Variants in CAMTA1 observed in about 807,000 individuals in gnomAD.
CAMTA1 encodes the protein calmodulin binding transcription activator 1.
Under a neutral mutation model 170.9 loss-of-function variants are expected in CAMTA1, and 27 were observed. The observed-to-expected ratio is 0.16, with a 90% CI of 0.12 to 0.22. The LOEUF (loss-of-function observed/expected upper bound fraction) is 0.22. Ranked by LOEUF, CAMTA1 falls within the 10% of genes least tolerant of loss-of-function variation. The pLI, the probability that CAMTA1 is intolerant of heterozygous loss-of-function variation, is 1.00. For synonymous variants in CAMTA1, 833 were observed against 891.5 expected (o/e 0.93, Z 1.17); for missense variants, 1,619 against 2,217.2 (o/e 0.73, Z 5.42).
chr1:7,265,330 A>T (rs974384687), intron 5 of CAMTA1, among the ~76,000 whole-genome samples: 6 of 151,906 alleles, frequency 3.9e-5, no homozygotes, highest in Admixed American at 3.9e-4. Flanking sequence ...TTTATTTGAG[A>T]CAGAGTCTCA....
At chr1:7,436,111 T>G (rs892884093) in intron 5 of CAMTA1, among the ~76,000 whole-genome samples, 3 of 152,128 alleles carry the variant, frequency 2.0e-5, no homozygotes, top group East Asian at 1.9e-4. Flanking sequence ...GATATGAATA[T>G]TGATTGGAAA....
At chr1:7,705,389 C>A (rs1465464202) in intron 11 of CAMTA1, among the ~76,000 whole-genome samples, 1 of 149,614 alleles carries the variant, frequency 6.7e-6, no homozygotes, top group Non-Finnish European at 1.5e-5. Flanking sequence ...GTGCGAGGGG[C>A]GTGTGCGGCG....
intron 3 of CAMTA1, among the ~76,000 whole-genome samples, chr1:7,037,142 G>C (rs1402712334): frequency 1.3e-5 from 2 of 152,250 alleles, no homozygotes; most frequent in African/African-American, 4.8e-5. Flanking sequence ...GATGGAAAGA[G>C]AGACGATACA....
intron 5 of CAMTA1, among the ~76,000 whole-genome samples, chr1:7,355,226 A>C (rs2085010934): frequency 6.8e-6 from 1 of 147,498 alleles, no homozygotes; most frequent in Non-Finnish European, 1.5e-5. Context: ...AAAAAAAAGA[A>C]AGAAAAAATT....
chr1:7,576,077 C>T lies in CAMTA1; in HGVS notation c.511-64323C>T, dbSNP rs528874400. ...AGGCTGGAGTGCAATGGTGCAATCT[C>T]GGCTCACTGCAACCTCCACCTCCCA... is the stretch of plus-strand genomic sequence containing the variant. On this transcript the variant is annotated intron_variant, in intron 6 of 22. Coordinates refer to ENST00000303635, the MANE Select transcript of CAMTA1 (RefSeq NM_015215.4). 5.3e-5 allele frequency among the ~76,000 whole-genome samples: 8 copies of T among 152,220 alleles called. No homozygotes were observed. The East Asian group carries it at 7.7e-4, about 15-fold the overall frequency.
In CAMTA1 at chr1:7,401,593, C is replaced by T. The variant is rs1005674075; in HGVS notation, c.439-66237C>T. Among the ~76,000 whole-genome samples, 5 of 152,016 alleles carry T rather than the reference C, an allele frequency of 3.3e-5. No homozygotes were observed. In the South Asian group the frequency reaches 6.2e-4, roughly 19 times the overall value. On this transcript the variant is annotated intron_variant, in intron 5 of 22. Coordinates refer to ENST00000303635, the MANE Select transcript of CAMTA1 (RefSeq NM_015215.4). ...TATAGATCAGTTTGGGGAGAATTAA[C>T]GTAACTATTGGGTCTTCACATCAAC...
chr1:7,078,407 A>G (rs899054511), intron 3 of CAMTA1, among the ~76,000 whole-genome samples: 5 of 152,304 alleles, frequency 3.3e-5, no homozygotes, highest in South Asian at 2.1e-4. Flanking sequence ...CAGAATCGGT[A>G]TTGAGTCGTC....
At chr1:7,647,822 G>T (rs955262981) in intron 7 of CAMTA1, among the ~76,000 whole-genome samples, 2 of 152,224 alleles carry the variant, frequency 1.3e-5, no homozygotes, top group Non-Finnish European at 2.9e-5. Flanking sequence ...AGTGGCTTAC[G>T]CCTGTAATCC....
At chr1:7,705,685 G>C (rs1270061080) in intron 11 of CAMTA1, among the ~76,000 whole-genome samples, 1 of 152,160 alleles carries the variant, frequency 6.6e-6, no homozygotes, top group Non-Finnish European at 1.5e-5. Context: ...AGACAGGTGC[G>C]AGGCGAGGTG....
At chr1:7,566,121 A>G (rs781492448) in intron 6 of CAMTA1, among the ~76,000 whole-genome samples, 3 of 152,174 alleles carry the variant, frequency 2.0e-5, no homozygotes, top group Non-Finnish European at 2.9e-5. Flanking sequence ...GCACCTTGAA[A>G]TCACTTTGGA....
chr1:6,873,104 T>C (rs756799270), intron 3 of CAMTA1, among the ~76,000 whole-genome samples: 4 of 152,204 alleles, frequency 2.6e-5, no homozygotes, highest in Non-Finnish European at 4.4e-5. Flanking sequence ...CTTTGGCCTG[T>C]TGGGTATGTT....
At chr1:7,096,871 A>C (rs542760807) in intron 4 of CAMTA1, among the ~76,000 whole-genome samples, 58 of 152,262 alleles carry the variant, frequency 3.8e-4, no homozygotes, top group African/African-American at 1.3e-3. Flanking sequence ...CTGGGAGCTG[A>C]GGTTGACTCT....
intron 5 of CAMTA1, among the ~76,000 whole-genome samples, chr1:7,347,727 C>A (rs1008832252): frequency 6.1e-4 from 93 of 152,290 alleles, no homozygotes; most frequent in Non-Finnish European, 9.9e-4. Flanking sequence ...ATCCAGGACC[C>A]CCCCGGCTTG....
chr1:6,836,731 G>A (rs1168334585), intron 3 of CAMTA1, among the ~76,000 whole-genome samples: 3 of 152,116 alleles, frequency 2.0e-5, no homozygotes, highest in Non-Finnish European at 4.4e-5. Context: ...AGGAGTTCAT[G>A]GGGGAAATAA....
At chr1:7,536,203 C>T (rs2094546981) in intron 6 of CAMTA1, among the ~76,000 whole-genome samples, 1 of 152,192 alleles carries the variant, frequency 6.6e-6, no homozygotes, top group Admixed American at 6.5e-5. Flanking sequence ...GCTCATAAAA[C>T]CCCACAGCTC....
intron 3 of CAMTA1, among the ~76,000 whole-genome samples, chr1:6,925,681 G>A (rs1682950637): frequency 6.6e-6 from 1 of 152,192 alleles, no homozygotes; most frequent in Non-Finnish European, 1.5e-5. Context: ...AGCCCCAGGA[G>A]CAACTAGCCC....
chr1:7,088,789 C>T (rs1322220709), intron 3 of CAMTA1, among the ~76,000 whole-genome samples: 2 of 152,184 alleles, frequency 1.3e-5, no homozygotes, highest in African/African-American at 2.4e-5. Flanking sequence ...CCAGCTGGCA[C>T]AGCCTATTCC....
chr1:7,742,464 A>G (rs2096825932), intron 16 of CAMTA1, among the ~76,000 whole-genome samples: 1 of 152,196 alleles, frequency 6.6e-6, no homozygotes, highest in African/African-American at 2.4e-5. Context: ...TGTTCTTTTC[A>G]GGTGTCCAAG....
chr1:6,923,862 C>T (rs1039297473), intron 3 of CAMTA1, among the ~76,000 whole-genome samples: 32 of 152,218 alleles, frequency 2.1e-4, no homozygotes, highest in African/African-American at 7.2e-4. Flanking sequence ...ATCCCCTAGA[C>T]CTGCCAATTT....
Sources: allele counts gnomAD v4.1 joint callset (sites outside exome capture counted in the v4.1 genomes callset), GRCh38; gene constraint gnomAD v4.1.1; transcripts MANE v1.5; gene names NCBI Gene and HGNC (gene_info 2026-07-23, HGNC 2026-07-21).